IGFL2: variants seen among roughly 807,000 people sequenced by gnomAD.
IGFL2 encodes insulin growth factor-like family member 2.
In IGFL2, 7 loss-of-function variants were observed where a neutral mutation model predicts 13.9. That is an observed-to-expected ratio of 0.51 (90% CI 0.29 to 0.95). The LOEUF is 0.95. IGFL2 is among the 40% of genes least tolerant of loss of function. The pLI is 0.08. For missense variants in IGFL2, 138 were observed against 147.8 expected (o/e 0.93, Z 0.34); for synonymous variants, 55 against 55.8 (o/e 0.99, Z 0.07).
chr19:46,150,068 A>T (rs1054803284), intron 1 of IGFL2, among the ~76,000 whole-genome samples: 1 of 152,098 alleles, frequency 6.6e-6, no homozygotes, highest in Non-Finnish European at 1.5e-5. Flanking sequence ...TATTACAGTC[A>T]TCTGGGTGGG....
At chr19:46,207,327 T>G in the IGFL2 span, 1 of 152,166 alleles carries the variant, frequency 6.6e-6, no homozygotes, top group East Asian at 1.9e-4. Flanking sequence ...CTCAAATCTT[T>G]TGGTCTTTGT....
chr19:46,121,223 A>AT, the IGFL2 span, among the ~76,000 whole-genome samples: 1 of 149,388 alleles, frequency 6.7e-6, no homozygotes. Flanking sequence ...ACCAAAAAAA[A>AT]ACCAAAAAAC....
intron 1 of IGFL2, among the ~76,000 whole-genome samples, chr19:46,154,496 T>C (rs1160016900): frequency 1.3e-5 from 2 of 152,180 alleles, no homozygotes; most frequent in African/African-American, 2.4e-5. Flanking sequence ...CAGGCTGGAG[T>C]GCAGTGGCGC....
the IGFL2 span, among the ~76,000 whole-genome samples, chr19:46,079,712 A>G: frequency 6.6e-6 from 1 of 150,802 alleles, no homozygotes; most frequent in African/African-American, 2.4e-5. Flanking sequence ...GAAACTTTTC[A>G]TGGTGGATGA....
the IGFL2 span, among the ~76,000 whole-genome samples, chr19:46,114,701 A>G: frequency 6.6e-6 from 1 of 152,144 alleles, no homozygotes; most frequent in Admixed American, 6.5e-5. Context: ...ACCATGTAAG[A>G]TACGCCTTGG....
At chr19:46,092,250 C>T in the IGFL2 span, among the ~76,000 whole-genome samples, 3 of 152,122 alleles carry the variant, frequency 2.0e-5, no homozygotes, top group Non-Finnish European at 2.9e-5. Context: ...CCCTCAAACT[C>T]CTGGGCTCAA....
In IGFL2 at chr19:46,160,889, C is replaced by A. The variant is rs112995956; in HGVS notation, c.341+8C>A. The A allele has an allele frequency of 4.8e-4, 781 of 1,612,550 alleles. 3 individuals are homozygous for A. The African/African-American group carries it at 9.5e-3, about 20-fold the overall frequency. ...CTCCAGTAAATGTGAAAGGTAGGGA[C>A]CCCGTCCCTGGCCAGGGGGTCGGGG... On this transcript the variant is annotated splice_region_variant and intron_variant, in intron 3 of 3. Transcript: ENST00000377693.
At chr19:46,085,155 T>C in the IGFL2 span, among the ~76,000 whole-genome samples, 1 of 151,932 alleles carries the variant, frequency 6.6e-6, no homozygotes, top group Non-Finnish European at 1.5e-5. Context: ...CATTAAAACT[T>C]AAAGCTCCTG....
the IGFL2 span, among the ~76,000 whole-genome samples, chr19:46,168,941 T>TGTGTATGTGTAC: frequency 6.7e-6 from 1 of 148,856 alleles, no homozygotes; most frequent in African/African-American, 2.5e-5. Flanking sequence ...TGTGTGTGTA[T>TGTGTATGTGTAC]GTGTATGTGT....
chr19:46,167,173 A>G, the IGFL2 span, among the ~76,000 whole-genome samples: 1 of 152,202 alleles, frequency 6.6e-6, no homozygotes, highest in Non-Finnish European at 1.5e-5. Context: ...AATCTTCACA[A>G]TCCACGTTCT....
the IGFL2 span, among the ~76,000 whole-genome samples, chr19:46,170,233 G>A: frequency 8.1e-4 from 123 of 152,188 alleles, no homozygotes; most frequent in African/African-American, 2.8e-3. Flanking sequence ...TTGTGTATCA[G>A]TGATTGTTGT....
chr19:46,170,263 A>T, the IGFL2 span, among the ~76,000 whole-genome samples: 1 of 152,098 alleles, frequency 6.6e-6, no homozygotes, highest in East Asian at 1.9e-4. Context: ...GGGAACCCGA[A>T]TGGAGGGACC....
At chr19:46,152,266 G>GTTTTTTTTTTT (rs55934631) in intron 1 of IGFL2, among the ~76,000 whole-genome samples, 3 of 134,006 alleles carry the variant, frequency 2.2e-5, no homozygotes, top group Non-Finnish European at 4.7e-5. Flanking sequence ...GCTTCCTTAG[G>GTTTTTTTTTTT]TTTTTTTTTT....
chr19:46,125,439 A>G, the IGFL2 span, among the ~76,000 whole-genome samples: 1 of 152,210 alleles, frequency 6.6e-6, no homozygotes, highest in Non-Finnish European at 1.5e-5. Context: ...GGGCAGGGCA[A>G]ACTGAGGCCT....
the IGFL2 span, among the ~76,000 whole-genome samples, chr19:46,104,694 C>T: frequency 1.4e-4 from 21 of 151,998 alleles, no homozygotes; most frequent in South Asian, 6.2e-4. Flanking sequence ...GGGAAGGGAG[C>T]GGGCCTGAAC....
chr19:46,168,805 G>T, the IGFL2 span, among the ~76,000 whole-genome samples: 2 of 151,950 alleles, frequency 1.3e-5, no homozygotes, highest in Non-Finnish European at 2.9e-5. Context: ...TTTTGCTTCA[G>T]CTTCTTCCTT....
At chr19:46,079,186 G>A in the IGFL2 span, among the ~76,000 whole-genome samples, 1 of 152,266 alleles carries the variant, frequency 6.6e-6, no homozygotes, top group Non-Finnish European at 1.5e-5. Context: ...TGTTTTCGTC[G>A]CAGTAACTGC....
At chr19:46,210,731 G>T in the IGFL2 span, among the ~76,000 whole-genome samples, 3 of 152,178 alleles carry the variant, frequency 2.0e-5, no homozygotes. Context: ...TTAAGGGTGG[G>T]TCTGCCTTTC....
At chr19:46,137,569 A>G in the IGFL2 span, 6 of 1,028,882 alleles carry the variant, frequency 5.8e-6, no homozygotes, top group Non-Finnish European at 7.6e-6. Context: ...CCTCCGTCTC[A>G]CTGCCAGATG....
Sources: allele counts gnomAD v4.1 joint callset (sites outside exome capture counted in the v4.1 genomes callset), GRCh38; gene constraint gnomAD v4.1.1; transcripts MANE v1.5; gene names NCBI Gene and HGNC (gene_info 2026-07-23, HGNC 2026-07-21).